CADPS: variants seen among roughly 807,000 people sequenced by gnomAD.
The protein encoded by CADPS is calcium-dependent secretion activator 1.
CADPS carries 57 observed loss-of-function variants against 167.3 expected under a neutral mutation model. The ratio of observed to expected loss-of-function variants is 0.34; its 90% confidence interval spans 0.28 to 0.42. The LOEUF is 0.42. CADPS is among the 20% of genes least tolerant of loss of function. The pLI, the probability that CADPS is intolerant of heterozygous loss-of-function variation, is 1.00. For missense variants in CADPS, 1,414 were observed against 1,738.1 expected, an observed-to-expected ratio of 0.81 and a Z score of 3.32; for synonymous variants, 676 against 635.3, an observed-to-expected ratio of 1.06 and a Z score of -0.96.
At chr3:62,502,047 A>G (rs1330658975) in intron 17 of CADPS, among the ~76,000 whole-genome samples, 1 of 152,244 alleles carries the variant, frequency 6.6e-6, no homozygotes, top group Non-Finnish European at 1.5e-5. Flanking sequence ...TGATCTGCCA[A>G]TTAACCCATG....
At chr3:62,704,418 A>G (rs1222600130) in intron 3 of CADPS, among the ~76,000 whole-genome samples, 1 of 152,058 alleles carries the variant, frequency 6.6e-6, no homozygotes, top group Non-Finnish European at 1.5e-5. Flanking sequence ...GATTTGATTC[A>G]CCCTGTTGCT....
chr3:62,687,475 G>A (rs1359854935), intron 3 of CADPS, among the ~76,000 whole-genome samples: 1 of 152,012 alleles, frequency 6.6e-6, no homozygotes, highest in Middle Eastern at 3.2e-3. Flanking sequence ...GCACTTAACT[G>A]CTGCCAATGA....
chr3:62,852,676 G>A (rs1407171910), intron 1 of CADPS, among the ~76,000 whole-genome samples: 3 of 151,648 alleles, frequency 2.0e-5, no homozygotes, highest in African/African-American at 7.3e-5. Context: ...CTACCTTCAT[G>A]ACTTTGTTGA....
intron 6 of CADPS, among the ~76,000 whole-genome samples, chr3:62,621,136 CA>C (rs1282601826): frequency 6.6e-6 from 1 of 152,146 alleles, no homozygotes; most frequent in Non-Finnish European, 1.5e-5. Flanking sequence ...AATTAAAAGA[CA>C]AATCTCTGGA....
intron 26 of CADPS, among the ~76,000 whole-genome samples, chr3:62,464,919 G>A (rs979439524): frequency 2.0e-5 from 3 of 152,178 alleles, no homozygotes; most frequent in African/African-American, 4.8e-5. Flanking sequence ...TTAAATGTAG[G>A]CAATTCAGTT....
At chr3:62,818,942 G>C (rs1312464357) in intron 1 of CADPS, among the ~76,000 whole-genome samples, 1 of 149,936 alleles carries the variant, frequency 6.7e-6, no homozygotes, top group African/African-American at 2.4e-5. Context: ...ATCATACATT[G>C]TATGTTTCCA....
At chr3:62,490,309 A>G (rs1441574341) in intron 21 of CADPS, among the ~76,000 whole-genome samples, 1 of 140,908 alleles carries the variant, frequency 7.1e-6, no homozygotes, top group Non-Finnish European at 1.7e-5. Flanking sequence ...CCTTAAAAAA[A>G]GAAAGAAAGA....
chr3:62,668,246 T>C (rs557577775), intron 3 of CADPS, among the ~76,000 whole-genome samples: 97 of 152,274 alleles, frequency 6.4e-4, no homozygotes, highest in Non-Finnish European at 1.1e-3. Flanking sequence ...AGCTTCAGAG[T>C]AAATGAACCA....
At chr3:62,604,094 T>C (rs2060357125) in intron 6 of CADPS, among the ~76,000 whole-genome samples, 1 of 152,100 alleles carries the variant, frequency 6.6e-6, no homozygotes, top group African/African-American at 2.4e-5. Flanking sequence ...CCTCCCAAAG[T>C]GCTGGGATTA....
chr3:62,651,217 T>C, intron 4 of CADPS, 137 bp from the exon 5 acceptor site: 1 of 643,420 alleles, frequency 1.6e-6, no homozygotes, highest in East Asian at 2.7e-5. Flanking sequence ...GGCCTTGTGC[T>C]AGAAAAATGT....
intron 28 of CADPS, among the ~76,000 whole-genome samples, chr3:62,415,380 A>G (rs1185553160): frequency 2.0e-5 from 3 of 152,042 alleles, no homozygotes; most frequent in Non-Finnish European, 4.4e-5. Context: ...GTTCCTTGCC[A>G]TGAACCCTGA....
In CADPS at chr3:62,855,091, A is replaced by ATTTTTTTTTT. The variant is rs554197608; in HGVS notation, c.441+19488_441+19497dup. Among the ~76,000 whole-genome samples, 621 of 92,646 alleles carry ATTTTTTTTTT rather than the reference A, an allele frequency of 6.7e-3. 44 individuals are homozygous for ATTTTTTTTTT. The highest frequency in any genetic ancestry group is 0.01 in the Middle Eastern group (1 of 98). The allele number at this position is 92,646 out of a possible 152,430, so 60.8% of individuals were successfully genotyped here. A position where few individuals can be genotyped will look rare whatever the true frequency, so the allele number is the denominator to read the frequency against. On this transcript the variant is annotated intron_variant, in intron 1 of 29. Transcript: ENST00000383710. ...AGGCACGTGCCATCATGCCCGGCTA[A>ATTTTTTTTTT]TTTTTTTTTTTTTTTTTTGTCTTTT...
At chr3:62,670,330 G>A (rs531529922) in intron 3 of CADPS, among the ~76,000 whole-genome samples, 1 of 152,272 alleles carries the variant, frequency 6.6e-6, no homozygotes, top group South Asian at 2.1e-4. Flanking sequence ...GAAAGAACAT[G>A]GAGTTCGGTC....
At chr3:62,829,261 A>T (rs992772870) in intron 1 of CADPS, among the ~76,000 whole-genome samples, 4 of 152,178 alleles carry the variant, frequency 2.6e-5, no homozygotes, top group African/African-American at 4.8e-5. Context: ...TAACAATCAA[A>T]AATACAAAAT....
chr3:62,666,488 TC>T (rs1484457337), intron 3 of CADPS, among the ~76,000 whole-genome samples: 1 of 152,174 alleles, frequency 6.6e-6, no homozygotes, highest in Non-Finnish European at 1.5e-5. Flanking sequence ...AAAGGAAAGA[TC>T]AGCTGGAGAA....
rs1196736066 is a variant in CADPS, at chr3:62,412,388, G to C, written c.3778-9203C>G. Among the ~76,000 whole-genome samples the C allele has an allele frequency of 1.3e-5, 2 of 151,924 alleles. No individual in the cohort carries two copies. Among genetic ancestry groups the C allele is most frequent in the Admixed American group, 1.3e-4 (2 of 15,244 alleles). ...GAATTCAGCTCCTCTTTTGCCTTTA[G>C]CCTTTTCTCATTAGGAAGAGATAAT... On this transcript the variant is annotated intron_variant, in intron 28 of 29. Transcript: ENST00000383710. The surrounding 1 kb of genome is among the most constrained non-coding windows in gnomAD (Gnocchi z 4.1).
chr3:62,704,346 G>A (rs1343674957), intron 3 of CADPS, among the ~76,000 whole-genome samples: 1 of 151,986 alleles, frequency 6.6e-6, no homozygotes, highest in Admixed American at 6.6e-5. Flanking sequence ...AATCACTCCT[G>A]GTAAATTATA....
At chr3:62,489,740 T>C (rs978954215) in intron 21 of CADPS, among the ~76,000 whole-genome samples, 1 of 152,228 alleles carries the variant, frequency 6.6e-6, no homozygotes, top group Non-Finnish European at 1.5e-5. Flanking sequence ...TAAATGTTAT[T>C]TCAAGACCAT....
intron 1 of CADPS, among the ~76,000 whole-genome samples, chr3:62,847,192 A>C (rs1270325707): frequency 1.3e-5 from 2 of 149,724 alleles, no homozygotes; most frequent in African/African-American, 4.9e-5. Context: ...GAGAGAATAA[A>C]CTTTGCTTTT....
Sources: gnomAD v4.1 joint callset for allele counts (sites outside exome capture counted in the v4.1 genomes callset) on GRCh38, gnomAD v4.1.1 for gene constraint, Gnocchi (gnomAD v3.1) non-coding constraint, MANE v1.5 for transcripts, NCBI Gene and HGNC (gene_info 2026-07-23, HGNC 2026-07-21) for gene names.